Variants in WWOX observed in about 807,000 individuals in gnomAD.
WWOX encodes the protein WW domain containing oxidoreductase, also known as WW domain-containing oxidoreductase.
In WWOX, 69 loss-of-function variants were observed where a neutral mutation model predicts 46.2. That is an observed-to-expected ratio of 1.49 (90% confidence interval 1.23 to 1.82). The LOEUF (loss-of-function observed/expected upper bound fraction) is 1.82, where lower values mean the gene tolerates loss of function less well. Ranked by LOEUF, WWOX falls within the 40% of genes most tolerant of loss-of-function variation. The pLI, the probability that WWOX is intolerant of heterozygous loss-of-function variation, is 0.00. For synonymous variants in WWOX, 359 were observed against 202.6 expected (o/e 1.77, Z -6.56); for missense variants, 919 against 542.6 (o/e 1.69, Z -6.89).
intron 8 of WWOX, among the ~76,000 whole-genome samples, chr16:78,528,700 T>G (rs1321963748): frequency 6.6e-6 from 1 of 152,122 alleles, no homozygotes; most frequent in African/African-American, 2.4e-5. Context: ...GCAGTTGTAA[T>G]TTATTAATTG....
intron 8 of WWOX, among the ~76,000 whole-genome samples, chr16:78,966,894 G>C (rs968106092): frequency 2.6e-5 from 4 of 152,196 alleles, no homozygotes; most frequent in African/African-American, 7.2e-5. Context: ...TTGCAGTGGA[G>C]ATTGAATGAG....
chr16:79,125,973 A>T (rs1468608597), intron 8 of WWOX, among the ~76,000 whole-genome samples: 5 of 152,164 alleles, frequency 3.3e-5, no homozygotes, highest in Admixed American at 3.3e-4. Context: ...TTTTTACTCT[A>T]ACACCTCTTT....
chr16:78,302,634 G>A (rs1291006227), intron 5 of WWOX, among the ~76,000 whole-genome samples: 1 of 152,126 alleles, frequency 6.6e-6, no homozygotes, highest in African/African-American at 2.4e-5. Context: ...GGTAACAATT[G>A]GCCAGTGCTG....
chr16:78,780,718 C>A (rs542359341), intron 8 of WWOX, among the ~76,000 whole-genome samples: 8 of 152,092 alleles, frequency 5.3e-5, no homozygotes, highest in African/African-American at 1.9e-4. Context: ...AGTGCAGGGT[C>A]CCTGAGGCAG....
chr16:78,355,579 C>A (rs959963683), intron 5 of WWOX: 116 of 486,904 alleles, frequency 2.4e-4, no homozygotes, highest in Non-Finnish European at 4.3e-4. Flanking sequence ...TGGAGGATCC[C>A]CTGGATCTTA....
At position 78,240,919 on chromosome 16, in the gene WWOX, A is replaced by G. The variant is rs552591245; in HGVS notation, c.516+76630A>G. 8.5e-5 allele frequency among the ~76,000 whole-genome samples: 13 copies of G among 152,282 alleles called. No homozygotes were observed. The South Asian group carries it at 2.7e-3, about 32-fold the overall frequency. On this transcript the variant is annotated intron_variant, in intron 5 of 8. Transcript: ENST00000566780. ...GGGCTGAGAGGGAGAGACTCCAAGA[A>G]TGAATTAGTGTCCAGCAAGGTATCG...
chr16:78,616,097 C>A (rs79176860), intron 8 of WWOX, among the ~76,000 whole-genome samples: 1 of 152,028 alleles, frequency 6.6e-6, no homozygotes, highest in African/African-American at 2.4e-5. Flanking sequence ...TTCTCACTTC[C>A]TACGTAGAAT....
rs1198739687 is a variant in WWOX at position 78,144,523 on chromosome 16, A to ATATATATATATATTT, written c.410-19659_410-19658insATATATATATATTTT. Among the ~76,000 whole-genome samples, 6 of 18,632 alleles carry ATATATATATATATTT rather than the reference A, an allele frequency of 3.2e-4. 1 individual carries two copies. The highest frequency in any genetic ancestry group is 4.3e-4 in the Non-Finnish European group (5 of 11,524). 12.2% of individuals were successfully genotyped at this position (18,632 alleles called of 152,430 possible). A position where few individuals can be genotyped will look rare whatever the true frequency, so the allele number is the denominator to read the frequency against. On this transcript the variant is annotated intron_variant, in intron 4 of 8. Coordinates refer to ENST00000566780, the MANE Select transcript of WWOX (RefSeq NM_016373.4). ...CACATATATATATATATATATATATATTTTTTTTTTTTTTTGGAGATGGAG... is the reference window on the plus strand; with the variant it reads ...CACATATATATATATATATATATATATATATATATATATTTTTTTTTTTTTTTTTTGGAGATGGAG...
chr16:79,141,386 C>T (rs1352275452), intron 8 of WWOX, among the ~76,000 whole-genome samples: 1 of 152,170 alleles, frequency 6.6e-6, no homozygotes, highest in African/African-American at 2.4e-5. Flanking sequence ...TCATCAGGCC[C>T]TCCTGAGGCT....
chr16:78,545,944 C>G (rs968813494), intron 8 of WWOX, among the ~76,000 whole-genome samples: 2 of 152,102 alleles, frequency 1.3e-5, no homozygotes, highest in Non-Finnish European at 2.9e-5. Flanking sequence ...ACTTAGTTAC[C>G]CTTTCAAAGG....
chr16:78,768,337 C>G (rs1202606481), intron 8 of WWOX, among the ~76,000 whole-genome samples: 2 of 147,388 alleles, frequency 1.4e-5, no homozygotes, highest in Admixed American at 1.4e-4. Context: ...TGCATGTACT[C>G]CCAGCACTTT....
At chr16:79,084,025 A>G (rs536253058) in intron 8 of WWOX, among the ~76,000 whole-genome samples, 5 of 152,276 alleles carry the variant, frequency 3.3e-5, no homozygotes, top group African/African-American at 7.2e-5. Context: ...CACTCGCATC[A>G]GTTTTAAGTC....
chr16:78,691,483 G>A (rs116957626), intron 8 of WWOX, among the ~76,000 whole-genome samples: 1,886 of 152,232 alleles, frequency 0.012, 20 homozygotes, highest in South Asian at 0.035. Flanking sequence ...GAAGTGGGAG[G>A]ATGGTTAGAG....
chr16:78,384,809 A>G (rs1054132311), intron 5 of WWOX, among the ~76,000 whole-genome samples: 4 of 152,174 alleles, frequency 2.6e-5, no homozygotes, highest in African/African-American at 9.7e-5. Flanking sequence ...GTTTGGGGAC[A>G]TAATTTCATC....
chr16:79,133,804 G>T (rs2049929840), intron 8 of WWOX, among the ~76,000 whole-genome samples: 1 of 152,204 alleles, frequency 6.6e-6, no homozygotes, highest in African/African-American at 2.4e-5. Flanking sequence ...GGAAATGCAG[G>T]ATGTAATGAA....
intron 8 of WWOX, among the ~76,000 whole-genome samples, chr16:78,554,160 T>A (rs560616774): frequency 1.9e-4 from 29 of 152,054 alleles, no homozygotes; most frequent in Non-Finnish European, 4.0e-4. Context: ...GTGCTGAAGG[T>A]GGCCTGCCCT....
intron 8 of WWOX, among the ~76,000 whole-genome samples, chr16:78,802,937 AAAAAACAACAAAC>A (rs2050931784): frequency 1.0e-5 from 1 of 99,522 alleles, no homozygotes; most frequent in African/African-American, 4.5e-5. Context: ...AAAAAAAAAA[AAAAAACAACAAAC>A]AGAAAAATGA....
chr16:78,253,015 C>T (rs1250770802), intron 5 of WWOX, among the ~76,000 whole-genome samples: 2 of 152,088 alleles, frequency 1.3e-5, no homozygotes, highest in Non-Finnish European at 2.9e-5. Flanking sequence ...TTACGTAGGC[C>T]CTTTATAAAT....
Position 78,341,637 on chromosome 16 carries a change from A to G in WWOX, c.517-45223A>G, listed in dbSNP as rs2081017027. Reference sequence around the variant, plus strand: ...ATGCTGAGATAAGTCTAGATGGGATAGGTGGGCAACATGCAGGAGAAACCT... The same window carrying G: ...ATGCTGAGATAAGTCTAGATGGGATGGGTGGGCAACATGCAGGAGAAACCT... On this transcript the variant is annotated intron_variant, in intron 5 of 8. Transcript: ENST00000566780. Among the ~76,000 whole-genome samples the G allele has an allele frequency of 1.7e-5, 2 of 119,620 alleles. 1 individual carries two copies. Among genetic ancestry groups the G allele is most frequent in the African/African-American group, 5.7e-5 (2 of 35,236 alleles). The allele number at this position is 119,620 out of a possible 152,430, so 78.5% of individuals were successfully genotyped here. A position where few individuals can be genotyped will look rare whatever the true frequency, so the allele number is the denominator to read the frequency against.
Sources: allele counts gnomAD v4.1 joint callset (sites outside exome capture counted in the v4.1 genomes callset), GRCh38; gene constraint gnomAD v4.1.1; transcripts MANE v1.5; gene names NCBI Gene and HGNC (gene_info 2026-07-23, HGNC 2026-07-21).